SART3: variants seen among roughly 807,000 people sequenced by gnomAD.
SART3 encodes the protein HIV-1 Tat-interacting protein of 110kDa.
SART3 carries 44 observed loss-of-function variants against 122.3 expected under a neutral mutation model. The observed-to-expected ratio is 0.36, with a 90% CI of 0.28 to 0.46. SART3 has a LOEUF of 0.46. Among genes scored for constraint, SART3 ranks in the 20% least tolerant of loss-of-function variants. The pLI, the probability that SART3 is intolerant of heterozygous loss-of-function variation, is 1.00. For missense variants in SART3, 1,101 were observed against 1,229.0 expected (o/e 0.90, Z 1.56); for synonymous variants, 442 against 454.0 (o/e 0.97, Z 0.34).
chr12:108,557,220 T>TTG (rs2030266741), intron 1 of SART3, among the ~76,000 whole-genome samples: 1 of 145,014 alleles, frequency 6.9e-6, no homozygotes, highest in Admixed American at 6.8e-5. Context: ...TTTTTTTTTT[T>TTG]TTTTTTTTTT....
At chr12:108,554,250 C>T (rs376788832) in intron 1 of SART3, 27 of 19,004 alleles carry the variant, frequency 1.4e-3, no homozygotes, top group African/African-American at 5.0e-3. Flanking sequence ...GGGATAAGTA[C>T]CTTGTATGTC....
At position 108,550,634 on chromosome 12, in the gene SART3, G is replaced by A. The variant is rs556348318; in HGVS notation, c.313-1420C>T. 1.8e-4 allele frequency among the ~76,000 whole-genome samples: 28 copies of A among 152,250 alleles called. 1 individual carries two copies. Among genetic ancestry groups the A allele is most frequent in the African/African-American group, 2.6e-4 (11 of 41,540 alleles). On this transcript the variant is annotated intron_variant, in intron 1 of 18. Coordinates refer to ENST00000546815, the MANE Select transcript of SART3 (RefSeq NM_014706.4). The stretch of plus-strand genomic sequence containing the variant: ...TCCCAGCACTTTGGGAGGCCAAAGC[G>A]GGCAGATCATGAGGTCAGGAGTTCA...
intron 8 of SART3, 148 bp downstream of exon 8, chr12:108,537,917 T>A: frequency 1.1e-6 from 1 of 912,312 alleles, no homozygotes; most frequent in South Asian, 1.4e-5. Flanking sequence ...ATATAACCAG[T>A]TCATCTCTCA....
chr12:108,536,792 G>A lies in SART3; in HGVS notation c.1310-7C>T. ...TCCAGCTCTTTACTGGAGTCTAACG[G>A]AAAGTGCAAAAAAAGGCTTTAGGAA... On this transcript the variant is annotated splice_polypyrimidine_tract_variant and splice_region_variant and intron_variant, in intron 9 of 18. Coordinates refer to ENST00000546815, the MANE Select transcript of SART3 (RefSeq NM_014706.4). 1 of 1,613,366 alleles carries A rather than the reference G, an allele frequency of 6.2e-7. No individual in the cohort carries two copies. The highest frequency in any genetic ancestry group is 8.5e-7 in the Non-Finnish European group (1 of 1,179,648).
chr12:108,558,290 G>A (rs1007489662), intron 1 of SART3, among the ~76,000 whole-genome samples: 5 of 152,244 alleles, frequency 3.3e-5, no homozygotes, highest in Non-Finnish European at 7.3e-5. Flanking sequence ...AGTTACAGCA[G>A]GAAGAAGCAG....
rs773910674 is a variant in SART3, at chr12:108,532,634, C to G, written c.1557-300G>C. 1.9e-5 allele frequency: 7 copies of G among 372,348 alleles called. No homozygotes were observed. The Admixed American group carries it at 2.6e-4, about 14-fold the overall frequency. 23.1% of individuals were successfully genotyped at this position (372,348 alleles called of 1,614,324 possible). A position where few individuals can be genotyped will look rare whatever the true frequency, so the allele number is the denominator to read the frequency against. ...CAGCATTCACATGTGCGGCACATGG[C>G]GGGGGAGTCCAACAGCTCTCTGTAA... On this transcript the variant is annotated intron_variant, in intron 12 of 18. Transcript: ENST00000546815.
chr12:108,550,989 C>T (rs185786142), intron 1 of SART3, among the ~76,000 whole-genome samples: 12 of 152,040 alleles, frequency 7.9e-5, no homozygotes, highest in Admixed American at 5.2e-4. Flanking sequence ...TCTGAATAAA[C>T]CAACAATTGC....
intron 3 of SART3, among the ~76,000 whole-genome samples, chr12:108,545,803 T>C (rs1386636717): frequency 1.3e-5 from 2 of 151,922 alleles, no homozygotes; most frequent in African/African-American, 2.4e-5. Context: ...CCGTCTCTAC[T>C]AAAAATAGAA....
Position 108,545,273 on chromosome 12 carries a change from G to T in SART3, c.595C>A (p.Gln199Lys). The T allele has an allele frequency of 6.2e-7, 1 of 1,614,056 alleles. No individual in the cohort carries two copies. The highest frequency in any genetic ancestry group is 1.1e-5 in the South Asian group (1 of 91,052). Residue 199 changes from glutamine (Q) to lysine (K), a missense_variant, in exon 4 of 19, where the codon CAG (glutamine) becomes AAG (lysine). Physicochemically the swap from Gln to Lys is moderately conservative, Grantham distance 53. Coordinates refer to ENST00000546815, the MANE Select transcript of SART3 (RefSeq NM_014706.4). ...CGAACTTTCTCAAGGCCACCTTTCT[G>T]ACCAATCCCACCAACTGAGTACTGG... The part of the protein sequence containing the change: ...YGQYSVGGIG[Q>K]KGGLEKVRSV...
chr12:108,536,050 G>A (rs1000485143), intron 11 of SART3, among the ~76,000 whole-genome samples: 3 of 152,164 alleles, frequency 2.0e-5, no homozygotes, highest in Non-Finnish European at 4.4e-5. Flanking sequence ...TGACCTTGGT[G>A]TCCCTGACCC....
intron 9 of SART3, chr12:108,537,047 G>A (rs1383577500): frequency 3.9e-6 from 2 of 512,536 alleles, no homozygotes; most frequent in East Asian, 3.6e-5. Flanking sequence ...GGTGACACAG[G>A]CAAACAAGAG....
intron 6 of SART3, among the ~76,000 whole-genome samples, chr12:108,540,101 A>G (rs1411410729): frequency 1.3e-5 from 2 of 152,226 alleles, no homozygotes; most frequent in Non-Finnish European, 2.9e-5. Flanking sequence ...GCCAGTCCAC[A>G]CATGGACCTA....
Position 108,525,538 on chromosome 12 carries a change from T to G in SART3, c.2442A>C (p.Lys814Asn). 6.2e-7 allele frequency: 1 copy of G among 1,614,182 alleles called. No individual in the cohort carries two copies. The highest frequency in any genetic ancestry group is 8.5e-7 in the Non-Finnish European group (1 of 1,180,000). The change falls in exon 17 of 19, where the codon AAA (lysine) becomes AAC (asparagine). Residue 814 changes from lysine (K) to asparagine (N), a missense_variant. This residue lies in a region of SART3 where 885 missense variants were observed against 1,080.1 expected (regional missense o/e 0.82). Coordinates refer to ENST00000546815, the MANE Select transcript of SART3 (RefSeq NM_014706.4). ...CCTTACAGATTTCTTCTAGTTCCTC[T>G]TTAGTACAGGAGAAAGGCAGGCCTG... ...FISGLPFSCT[K>N]EELEEICKAH...
At position 108,531,218 on chromosome 12, in the gene SART3, C is replaced by T; in HGVS notation, c.1732G>A (p.Glu578Lys). Residue 578 changes from glutamate to lysine, a missense_variant, in exon 14 of 19, where the codon GAG becomes AAG. By Grantham distance (56) the Glu-to-Lys change is moderately conservative (BLOSUM62 1). Around this residue, in one of 2 missense-constraint regions of SART3, gnomAD observed 885 missense variants for 1,080.1 expected, o/e 0.82. Coordinates refer to ENST00000546815, the MANE Select transcript of SART3 (RefSeq NM_014706.4). ...ATTGTCATTACCTTCATTCTCTGCTCATTGACACGAGCTAATCGGGTTTCA... is the reference window on the plus strand; with the variant it reads ...ATTGTCATTACCTTCATTCTCTGCTTATTGACACGAGCTAATCGGGTTTCA... ...KTETRLARVN[E>K]QRMKAAEKEA... 1 of 1,614,026 alleles carries T rather than the reference C, an allele frequency of 6.2e-7. No homozygotes were observed. Among genetic ancestry groups the T allele is most frequent in the Non-Finnish European group, 8.5e-7 (1 of 1,179,934 alleles).
chr12:108,527,749 AG>A (rs1265670079), intron 15 of SART3, among the ~76,000 whole-genome samples: 1 of 152,130 alleles, frequency 6.6e-6, no homozygotes, highest in African/African-American at 2.4e-5. Flanking sequence ...TTTCAAGTCC[AG>A]AGACAATTCT....
intron 3 of SART3, among the ~76,000 whole-genome samples, chr12:108,546,484 C>T (rs1873425663): frequency 6.6e-6 from 1 of 151,628 alleles, no homozygotes; most frequent in Admixed American, 6.6e-5. Flanking sequence ...CAGGCGTGAG[C>T]CACTATGCCC....
intron 1 of SART3, among the ~76,000 whole-genome samples, chr12:108,558,177 A>G (rs1468202038): frequency 6.6e-6 from 1 of 152,138 alleles, no homozygotes; most frequent in African/African-American, 2.4e-5. Flanking sequence ...AAAAAAATTA[A>G]TAAACACTGA....
In SART3 at chr12:108,561,158, G is replaced by A. The variant is rs1424258489; in HGVS notation, c.-4C>T. On this transcript the variant is annotated 5_prime_UTR_variant, in exon 1 of 19. Transcript: ENST00000546815. ...AGGTTTCGGCCGCAGTCGCCATCTT[G>A]CGCTTCTAATGACTCTCGGGTCTTC... The A allele has an allele frequency of 3.7e-6, 6 of 1,613,060 alleles. No individual in the cohort carries two copies. The highest frequency in any genetic ancestry group is 1.7e-6 in the Non-Finnish European group (2 of 1,179,210).
Position 108,535,437 on chromosome 12 carries a change from C to T in SART3, c.1478G>A (p.Arg493Gln). 2 of 1,614,072 alleles carry T rather than the reference C, an allele frequency of 1.2e-6. No homozygotes were observed. Among genetic ancestry groups the T allele is most frequent in the Non-Finnish European group, 1.7e-6 (2 of 1,179,990 alleles). The change falls in exon 12 of 19, where the codon CGG (arginine) becomes CAG (glutamine). Residue 493 changes from arginine (R) to glutamine (Q), a missense_variant. By Grantham distance (43) the Arg-to-Gln change is conservative. Coordinates refer to ENST00000546815, the MANE Select transcript of SART3 (RefSeq NM_014706.4). ...ARLCNNMQKA[R>Q]ELWDSIMTRG... ...GGTCATGATGCTATCCCAGAGTTCCCGAGCTTTCTGCATGTTATTGCACAG... is the reference window on the plus strand; with the variant it reads ...GGTCATGATGCTATCCCAGAGTTCCTGAGCTTTCTGCATGTTATTGCACAG...
Sources: allele counts gnomAD v4.1 joint callset (sites outside exome capture counted in the v4.1 genomes callset), GRCh38; gene constraint gnomAD v4.1.1; regional missense constraint gnomAD v4.1.1; transcripts MANE v1.5; gene names NCBI Gene and HGNC (gene_info 2026-07-23, HGNC 2026-07-21).